SASS6: variants seen among roughly 807,000 people sequenced by gnomAD.
The protein encoded by SASS6 is SAS-6 centriolar assembly protein.
Under a neutral mutation model 94.9 loss-of-function variants are expected in SASS6, and 59 were observed. That is an observed-to-expected ratio of 0.62 (90% CI 0.50 to 0.77). SASS6 has a LOEUF of 0.77. Among genes scored for constraint, SASS6 ranks in the 30% least tolerant of loss-of-function variants. The probability of loss-of-function intolerance (pLI) is 0.00; values close to 1 mark genes in which losing one functional copy is unlikely to be tolerated. For synonymous variants in SASS6, 264 were observed against 270.0 expected (o/e 0.98, Z 0.22); for missense variants, 698 against 734.1 (o/e 0.95, Z 0.57).
intron 14 of SASS6, among the ~76,000 whole-genome samples, chr1:100,093,173 TC>T (rs374932194): frequency 5.6e-5 from 8 of 144,014 alleles, no homozygotes; most frequent in Non-Finnish European, 1.1e-4. Context: ...CCTATTGTTT[TC>T]TTTTTTTTTT....
intron 1 of SASS6, among the ~76,000 whole-genome samples, chr1:100,127,036 A>G (rs1654668973): frequency 6.6e-6 from 1 of 152,228 alleles, no homozygotes; most frequent in Admixed American, 6.5e-5. Context: ...TCCACATCCT[A>G]TGCTGTATCT....
At position 100,132,778 on chromosome 1, in the gene SASS6, G is replaced by T. The variant is rs749306536; in HGVS notation, c.37C>A (p.Gln13Lys). ...QVLFHQLVPLQVKCKDCEERR... is the reference protein window; with the variant it reads ...QVLFHQLVPLKVKCKDCEERR... ...TCCTCACAGTCTTTGCATTTCACCTGCAACGGGACTAGTTGGTGGAACAGC... is the reference window on the plus strand; with the variant it reads ...TCCTCACAGTCTTTGCATTTCACCTTCAACGGGACTAGTTGGTGGAACAGC... The change falls in exon 1 of 17, where the codon CAG becomes AAG. Residue 13 changes from glutamine to lysine, a missense_variant. Physicochemically the swap from Gln to Lys is moderately conservative, Grantham distance 53 (BLOSUM62 1). Transcript: ENST00000287482. The T allele has an allele frequency of 5.6e-6, 9 of 1,613,952 alleles. No individual in the cohort carries two copies. Among genetic ancestry groups the T allele is most frequent in the Non-Finnish European group, 7.6e-6 (9 of 1,179,932 alleles).
At chr1:100,124,220 G>A (rs1654405131) in intron 2 of SASS6, among the ~76,000 whole-genome samples, 1 of 152,136 alleles carries the variant, frequency 6.6e-6, no homozygotes. Flanking sequence ...TAGTAATTTA[G>A]GCACCTGCTC....
chr1:100,097,229 G>T (rs1306555454), intron 14 of SASS6, among the ~76,000 whole-genome samples: 1 of 152,212 alleles, frequency 6.6e-6, no homozygotes, highest in East Asian at 1.9e-4. Context: ...CAGACTGCTG[G>T]TGGTAAATTG....
chr1:100,116,834 G>A (rs1244916417), intron 7 of SASS6, among the ~76,000 whole-genome samples: 1 of 152,044 alleles, frequency 6.6e-6, no homozygotes, highest in Non-Finnish European at 1.5e-5. Flanking sequence ...ACCTCCTATG[G>A]ACTACTGTTA....
intron 14 of SASS6, among the ~76,000 whole-genome samples, chr1:100,099,922 C>T (rs996144637): frequency 4.6e-5 from 7 of 152,126 alleles, no homozygotes; most frequent in Non-Finnish European, 8.8e-5. Context: ...TGCAGAAAAT[C>T]CCTCACATAC....
At chr1:100,121,356 A>G (rs1245792566) in intron 5 of SASS6, 22 bp downstream of exon 5, 17 of 1,421,560 alleles carry the variant, frequency 1.2e-5, no homozygotes, top group Non-Finnish European at 1.6e-5. Context: ...TGTTAAAAGA[A>G]TAACTTAAAT....
At chr1:100,132,674 G>A in intron 1 of SASS6, 76 bp downstream of exon 1, 2 of 1,233,840 alleles carry the variant, frequency 1.6e-6, no homozygotes, top group Non-Finnish European at 2.4e-6. Context: ...TGGATCCCAC[G>A]GGCCAGAACC....
rs77847951 is a variant in SASS6 at position 100,107,090 on chromosome 1, TTAC to T, written c.1327-100_1327-98del. 4,523 of 625,806 alleles carry T rather than the reference TTAC, an allele frequency of 7.2e-3. 34 individuals carry two copies. The highest frequency in any genetic ancestry group is 9.9e-3 in the Non-Finnish European group (3,470 of 351,784). The allele number at this position is 625,806 out of a possible 1,614,324, so 38.8% of individuals were successfully genotyped here. On this transcript the variant is annotated intron_variant, in intron 11 of 16. Transcript: ENST00000287482. Reference sequence around the variant, plus strand: ...ATTAACTAAATAATTACATAAATGGTTACTACTACTATTATTAAATGAGAATAA... The same window carrying T: ...ATTAACTAAATAATTACATAAATGGTTACTACTATTATTAAATGAGAATAA...
At chr1:100,104,784 A>G (rs1253889942) in intron 13 of SASS6, among the ~76,000 whole-genome samples, 1 of 93,254 alleles carries the variant, frequency 1.1e-5, no homozygotes, top group Admixed American at 9.5e-5. Flanking sequence ...TTCTCAGGTT[A>G]AAAAAAAAAA....
chr1:100,105,125 C>A (rs940909621), intron 13 of SASS6, among the ~76,000 whole-genome samples: 4 of 152,108 alleles, frequency 2.6e-5, no homozygotes, highest in African/African-American at 9.7e-5. Context: ...ATTCTCTCTT[C>A]TTCAAGTCTC....
chr1:100,106,541 T>G (rs1259734768), intron 12 of SASS6, among the ~76,000 whole-genome samples: 1 of 152,128 alleles, frequency 6.6e-6, no homozygotes, highest in East Asian at 1.9e-4. Flanking sequence ...CGAATAAAAT[T>G]TTCAGGTTAA....
chr1:100,126,655 T>G (rs1294550869), intron 1 of SASS6, among the ~76,000 whole-genome samples: 1 of 152,076 alleles, frequency 6.6e-6, no homozygotes, highest in African/African-American at 2.4e-5. Flanking sequence ...CACCCACCTG[T>G]AGTCCCAGCT....
chr1:100,128,030 ATTAT>A (rs546781592), intron 1 of SASS6, among the ~76,000 whole-genome samples: 16 of 151,598 alleles, frequency 1.1e-4, no homozygotes, highest in East Asian at 3.9e-4. Flanking sequence ...TTTTATTTTA[ATTAT>A]TTATTTATTT....
In SASS6 at chr1:100,087,020, A is replaced by G. The variant is rs1269605596; in HGVS notation, c.1772+1119T>C. On this transcript the variant is annotated intron_variant, in intron 15 of 16. Transcript: ENST00000287482. ...TTATTTGAGACAGAGTCTTGCTCTT[A>G]TCGCCCAGGCTGGAGCACAGTGGCA... 2.0e-5 allele frequency among the ~76,000 whole-genome samples: 3 copies of G among 152,248 alleles called. No homozygotes were observed. In the East Asian group the frequency reaches 5.8e-4, roughly 29 times the overall value.
At chr1:100,120,039 G>A (rs1161128124) in intron 6 of SASS6, among the ~76,000 whole-genome samples, 2 of 152,162 alleles carry the variant, frequency 1.3e-5, no homozygotes, top group Non-Finnish European at 2.9e-5. Flanking sequence ...AGCAAAGAAA[G>A]GGAAAGGTTT....
chr1:100,097,738 AG>A (rs1284268350), intron 14 of SASS6, among the ~76,000 whole-genome samples: 2 of 152,140 alleles, frequency 1.3e-5, no homozygotes, highest in Non-Finnish European at 1.5e-5. Context: ...CTAAGATAGG[AG>A]GATCACCTGA....
At chr1:100,106,677 T>C (rs957697515) in intron 12 of SASS6, among the ~76,000 whole-genome samples, 1 of 151,758 alleles carries the variant, frequency 6.6e-6, no homozygotes, top group African/African-American at 2.4e-5. Context: ...CATGATAAAA[T>C]CTCGTCTCTA....
At chr1:100,115,351 C>T (rs950514535) in intron 7 of SASS6, among the ~76,000 whole-genome samples, 1 of 151,866 alleles carries the variant, frequency 6.6e-6, no homozygotes, top group Admixed American at 6.6e-5. Flanking sequence ...CACTGTTTAA[C>T]AAGACTGCAA....
Sources: gnomAD v4.1 joint callset for allele counts (sites outside exome capture counted in the v4.1 genomes callset) on GRCh38, gnomAD v4.1.1 for gene constraint, MANE v1.5 for transcripts, NCBI Gene and HGNC (gene_info 2026-07-23, HGNC 2026-07-21) for gene names.